The following EIF2AK3 variants were observed in gnomAD, a reference collection of about 807,000 sequenced individuals.
The protein encoded by EIF2AK3 is eukaryotic translation initiation factor 2-alpha kinase 3.
EIF2AK3 carries 50 observed loss-of-function variants against 113.5 expected under a neutral mutation model. The observed-to-expected ratio is 0.44, with a 90% CI of 0.35 to 0.56. The LOEUF (loss-of-function observed/expected upper bound fraction) is 0.56, where lower values mean the gene tolerates loss of function less well. EIF2AK3 is among the 20% of genes least tolerant of loss of function. EIF2AK3 has a pLI of 0.00. For missense variants in EIF2AK3, 1,185 were observed against 1,378.0 expected (o/e 0.86, Z 2.22); for synonymous variants, 448 against 495.4 (o/e 0.90, Z 1.27).
At chr2:88,592,816 T>C (rs1271680512) in intron 4 of EIF2AK3, among the ~76,000 whole-genome samples, 5 of 151,590 alleles carry the variant, frequency 3.3e-5, no homozygotes, top group African/African-American at 7.3e-5. Context: ...AGTTATCATA[T>C]GAGAACCCCT....
intron 16 of EIF2AK3, among the ~76,000 whole-genome samples, 192 bp downstream of exon 16, chr2:88,558,725 A>C (rs1478209763): frequency 6.6e-6 from 1 of 152,226 alleles, no homozygotes; most frequent in Non-Finnish European, 1.5e-5. Flanking sequence ...ACTGGACATT[A>C]GGCTGAAGGA....
At chr2:88,563,964 G>C (rs1340081936) in intron 14 of EIF2AK3, among the ~76,000 whole-genome samples, 1 of 151,982 alleles carries the variant, frequency 6.6e-6, no homozygotes, top group East Asian at 1.9e-4. Flanking sequence ...ATTCCCTAGA[G>C]GACAGATAGA....
chr2:88,574,351 T>C (rs1326953422), intron 13 of EIF2AK3, among the ~76,000 whole-genome samples: 1 of 152,152 alleles, frequency 6.6e-6, no homozygotes, highest in Non-Finnish European at 1.5e-5. Flanking sequence ...AGGCTATATC[T>C]GCTCATGGTG....
chr2:88,623,375 G>GTTATTTCTTTA (rs1444990695), intron 1 of EIF2AK3, among the ~76,000 whole-genome samples: 1 of 152,054 alleles, frequency 6.6e-6, no homozygotes, highest in Admixed American at 6.5e-5. Context: ...AACTTTTAAA[G>GTTATTTCTTTA]AAAATAAATA....
At chr2:88,593,695 A>C (rs1674940117) in intron 3 of EIF2AK3, among the ~76,000 whole-genome samples, 1 of 152,218 alleles carries the variant, frequency 6.6e-6, no homozygotes, top group Non-Finnish European at 1.5e-5. Flanking sequence ...ATGGATAGCT[A>C]CTTGTGATAG....
At chr2:88,558,873 T>C (rs776609488) in intron 16 of EIF2AK3, 44 bp downstream of exon 16, 23 of 1,484,442 alleles carry the variant, frequency 1.5e-5, no homozygotes, top group Non-Finnish European at 2.2e-5. Context: ...GCTTACGTTC[T>C]AAAGATGATT....
At chr2:88,558,810 C>A in intron 16 of EIF2AK3, 107 bp downstream of exon 16, 1 of 909,734 alleles carries the variant, frequency 1.1e-6, no homozygotes, top group East Asian at 2.6e-5. Context: ...CTCTCTAGAC[C>A]TTTGGCTTCC....
At chr2:88,561,559 C>T (rs1673960791) in intron 15 of EIF2AK3, among the ~76,000 whole-genome samples, 2 of 151,892 alleles carry the variant, frequency 1.3e-5, no homozygotes, top group Admixed American at 6.6e-5. Context: ...CTGCACCCGG[C>T]CCAGAGGGCT....
At chr2:88,616,822 T>C (rs1675579072) in intron 1 of EIF2AK3, among the ~76,000 whole-genome samples, 1 of 152,206 alleles carries the variant, frequency 6.6e-6, no homozygotes, top group African/African-American at 2.4e-5. Context: ...TAAGCATGTA[T>C]AGTTATATTC....
intron 2 of EIF2AK3, among the ~76,000 whole-genome samples, chr2:88,602,712 C>T (rs919894543): frequency 6.6e-6 from 1 of 151,892 alleles, no homozygotes; most frequent in African/African-American, 2.4e-5. Context: ...TACATGAATA[C>T]ACCATTAATG....
intron 1 of EIF2AK3, 67 bp downstream of exon 1, chr2:88,626,900 C>A: frequency 6.3e-7 from 1 of 1,585,984 alleles, no homozygotes; most frequent in Non-Finnish European, 8.6e-7. Flanking sequence ...CTCCGCCCCC[C>A]TACACCGCAT....
chr2:88,574,177 A>G (rs977476689), intron 13 of EIF2AK3, among the ~76,000 whole-genome samples: 3 of 152,270 alleles, frequency 2.0e-5, no homozygotes, highest in Admixed American at 6.5e-5. Context: ...AAAAGAAGCA[A>G]AAGTGTGGAG....
chr2:88,577,132 C>T lies in EIF2AK3; in HGVS notation c.1887-429G>A, dbSNP rs1674482683. On this transcript the variant is annotated intron_variant, in intron 11 of 16. Transcript: ENST00000303236. ...CCGAGTAGCTGGGATTACAGATGCGCACCACCACACCCAGGTAATTTTGTG... is the reference window on the plus strand; with the variant it reads ...CCGAGTAGCTGGGATTACAGATGCGTACCACCACACCCAGGTAATTTTGTG... 4.6e-5 allele frequency among the ~76,000 whole-genome samples: 7 copies of T among 151,918 alleles called. No homozygotes were observed. The South Asian group carries it at 1.2e-3, about 27-fold the overall frequency.
intron 4 of EIF2AK3, among the ~76,000 whole-genome samples, chr2:88,592,511 C>G (rs1674913164): frequency 1.3e-5 from 2 of 152,098 alleles, no homozygotes; most frequent in African/African-American, 2.4e-5. Flanking sequence ...TGCCTGTAAT[C>G]CTAGCACTTT....
chr2:88,570,949 C>T lies in EIF2AK3; in HGVS notation c.2910G>A (p.Thr970=), dbSNP rs764492903. The change falls in exon 14 of 17, where the codon ACG becomes ACA. Residue 970 remains threonine (T), a synonymous_variant. Transcript: ENST00000303236. ...TAMDQDEEEQ[T]VLTPMPAYAR... ...CATAAGCTGGCATTGGGGTCAGAAC[C>T]GTCTGCTCTTCCTCATCCTGGTCCA... 6.8e-6 allele frequency: 11 copies of T among 1,614,136 alleles called. No individual in the cohort carries two copies. The highest frequency in any genetic ancestry group is 4.0e-5 in the African/African-American group (3 of 75,020).
At chr2:88,613,974 G>GCC in intron 1 of EIF2AK3, 121 bp from the exon 2 acceptor site, 4 of 838,808 alleles carry the variant, frequency 4.8e-6, no homozygotes, top group Non-Finnish European at 7.5e-6. Context: ...GGAAGAGGGG[G>GCC]CCTTCTACCA....
chr2:88,577,584 G>C (rs1185384410), intron 11 of EIF2AK3, among the ~76,000 whole-genome samples: 1 of 151,220 alleles, frequency 6.6e-6, no homozygotes, highest in Non-Finnish European at 1.5e-5. Context: ...TTGTCATGTT[G>C]GTCAGGCTGG....
At position 88,575,397 on chromosome 2, in the gene EIF2AK3, T is replaced by C. The variant is rs1674432562; in HGVS notation, c.2086A>G (p.Lys696Glu). Residue 696 changes from lysine to glutamate, a missense_variant, in exon 13 of 17, where the codon AAA becomes GAA. Around this residue, in one of 3 missense-constraint regions of EIF2AK3, gnomAD observed 877 missense variants for 1,024.2 expected, o/e 0.86. Coordinates refer to ENST00000303236, the MANE Select transcript of EIF2AK3 (RefSeq NM_004836.7). ...SPSPMDAPSV[K>E]IRRMDPFATK... is the part of the protein sequence containing the mutation. ...GCGAAAGGATCCATTCTGCGTATTT[T>C]AACTGATGGTGCATCCATTGGGCTA... is the stretch of plus-strand genomic sequence containing the variant. The C allele has an allele frequency of 6.2e-7, 1 of 1,612,624 alleles. No homozygotes were observed. The highest frequency in any genetic ancestry group is 8.5e-7 in the Non-Finnish European group (1 of 1,180,014).
chr2:88,624,132 C>G (rs1481985183), intron 1 of EIF2AK3, among the ~76,000 whole-genome samples: 7 of 152,242 alleles, frequency 4.6e-5, no homozygotes, highest in Non-Finnish European at 7.4e-5. Flanking sequence ...GCTCGGATTA[C>G]AGGCACCCGC....
Sources: gnomAD v4.1 joint callset for allele counts (sites outside exome capture counted in the v4.1 genomes callset) on GRCh38, gnomAD v4.1.1 for gene constraint, gnomAD v4.1.1 regional missense constraint, MANE v1.5 for transcripts, NCBI Gene and HGNC (gene_info 2026-07-23, HGNC 2026-07-21) for gene names.